Variants in KIF26B observed in about 807,000 individuals in gnomAD.
The protein encoded by KIF26B is kinesin-like protein KIF26B.
KIF26B carries 63 observed loss-of-function variants against 151.2 expected under a neutral mutation model. The ratio of observed to expected loss-of-function variants is 0.42; its 90% CI spans 0.34 to 0.51. The LOEUF is 0.51. KIF26B is among the 20% of genes least tolerant of loss of function. The pLI is 0.07. For synonymous variants in KIF26B, 1,357 were observed against 1,262.1 expected (o/e 1.08, Z -1.59); for missense variants, 2,813 against 2,913.6 (o/e 0.97, Z 0.79).
chr1:245,659,548 A>G (rs908183019), intron 10 of KIF26B, among the ~76,000 whole-genome samples: 6 of 152,208 alleles, frequency 3.9e-5, no homozygotes, highest in Admixed American at 6.5e-5. Context: ...TAGCAAACAT[A>G]TATTTGCTCT....
chr1:245,591,702 T>C (rs1038322230), intron 5 of KIF26B, among the ~76,000 whole-genome samples: 1 of 152,178 alleles, frequency 6.6e-6, no homozygotes, highest in African/African-American at 2.4e-5. Context: ...TGGATGCATC[T>C]TTACACCAGC....
intron 4 of KIF26B, among the ~76,000 whole-genome samples, chr1:245,460,882 T>C (rs1434060967): frequency 1.3e-5 from 2 of 152,224 alleles, no homozygotes; most frequent in Non-Finnish European, 2.9e-5. Context: ...ACACATGCCA[T>C]GCTCAGAACA....
At chr1:245,655,742 G>T (rs947617690) in intron 10 of KIF26B, among the ~76,000 whole-genome samples, 7 of 152,196 alleles carry the variant, frequency 4.6e-5, no homozygotes, top group African/African-American at 1.4e-4. Context: ...AATGCAAGCC[G>T]AGTACTTCTG....
intron 2 of KIF26B, among the ~76,000 whole-genome samples, chr1:245,229,272 G>A (rs549095156): frequency 5.3e-5 from 8 of 151,814 alleles, no homozygotes; most frequent in East Asian, 3.9e-4. Context: ...GCCCCCTGCC[G>A]GATTTATCTT....
At chr1:245,527,080 C>G (rs1185240316) in intron 4 of KIF26B, among the ~76,000 whole-genome samples, 5 of 152,144 alleles carry the variant, frequency 3.3e-5, no homozygotes, top group African/African-American at 1.2e-4. Context: ...CAGCTTCTTC[C>G]TTTTAGCATT....
At chr1:245,285,247 G>A (rs1339899427) in intron 2 of KIF26B, among the ~76,000 whole-genome samples, 4 of 152,150 alleles carry the variant, frequency 2.6e-5, no homozygotes, top group African/African-American at 9.7e-5. Context: ...TATTCCAAGA[G>A]TGCCTAGCAG....
chr1:245,649,934 G>A (rs1447655330), intron 10 of KIF26B, among the ~76,000 whole-genome samples: 1 of 152,218 alleles, frequency 6.6e-6, no homozygotes, highest in Non-Finnish European at 1.5e-5. Flanking sequence ...TGCGCTGAAT[G>A]CTTCTGACTT....
At position 245,375,334 on chromosome 1, in the gene KIF26B, C is replaced by G. The variant is rs533629849; in HGVS notation, c.999+7967C>G. 2.5e-4 allele frequency among the ~76,000 whole-genome samples: 38 copies of G among 152,286 alleles called. No individual in the cohort carries two copies. Among genetic ancestry groups the G allele is most frequent in the African/African-American group, 8.4e-4 (35 of 41,564 alleles). ...TCAGGTGATCTGCCTGCCTCAGCCT[C>G]CCAAAGTGCTGGGATTACAGGTATG... On this transcript the variant is annotated intron_variant, in intron 3 of 14. Coordinates refer to ENST00000407071, the MANE Select transcript of KIF26B (RefSeq NM_018012.4). The surrounding 1 kb of genome is among the most constrained non-coding windows in gnomAD (Gnocchi z 4.2).
chr1:245,185,618 A>G lies in KIF26B; in HGVS notation c.465+28935A>G, dbSNP rs142890994. Among the ~76,000 whole-genome samples the G allele has an allele frequency of 4.8e-3, 726 of 152,336 alleles. 4 individuals carry two copies. The highest frequency in any genetic ancestry group is 0.016 in the African/African-American group (680 of 41,578). ...GTGGGACACTCCAACTGTGTGTCAC[A>G]GGAATGAGCTGTCATCTGGCAATTT... On this transcript the variant is annotated intron_variant, in intron 2 of 14. Transcript: ENST00000407071.
At position 245,601,841 on chromosome 1, in the gene KIF26B, C is replaced by A. The variant is rs564075626; in HGVS notation, c.1351-736C>A. On this transcript the variant is annotated intron_variant, in intron 5 of 14. Transcript: ENST00000407071. The surrounding 1 kb of genome is among the most constrained non-coding windows in gnomAD (Gnocchi z 4.4). ...GGCTGACTGTGCATTTCCATAAGCACCTCGCTCGCCTGCAGGACGGGGCTG... is the reference window on the plus strand; with the variant it reads ...GGCTGACTGTGCATTTCCATAAGCAACTCGCTCGCCTGCAGGACGGGGCTG... Among the ~76,000 whole-genome samples, 1 of 152,290 alleles carries A rather than the reference C, an allele frequency of 6.6e-6. No individual in the cohort carries two copies. Among genetic ancestry groups the A allele is most frequent in the South Asian group, 2.1e-4 (1 of 4,820 alleles).
In KIF26B at chr1:245,156,489, G is replaced by C; in HGVS notation, c.271G>C (p.Gly91Arg). ...FTGSPGPASP[G>R]IGTSSPGSLG... is the part of the protein sequence containing the mutation. ...CGGCTCCCCGGGACCCGCCTCCCCCGGCATCGGCACTAGTTCGCCGGGCTC... is the reference window on the plus strand; with the variant it reads ...CGGCTCCCCGGGACCCGCCTCCCCCCGCATCGGCACTAGTTCGCCGGGCTC... Residue 91 changes from glycine (G) to arginine (R), a missense_variant, in exon 2 of 15, where the codon GGC becomes CGC. By Grantham distance (125) the Gly-to-Arg change is moderately radical (BLOSUM62 -2). Around this residue, in one of 3 missense-constraint regions of KIF26B, gnomAD observed 676 missense variants for 688.1 expected, o/e 0.98. Coordinates refer to ENST00000407071, the MANE Select transcript of KIF26B (RefSeq NM_018012.4). 5 of 1,526,356 alleles carry C rather than the reference G, an allele frequency of 3.3e-6. No individual in the cohort carries two copies. Among genetic ancestry groups the C allele is most frequent in the Admixed American group, 2.0e-5 (1 of 50,722 alleles). The allele number at this position is 1,526,356 out of a possible 1,614,324, so 94.6% of individuals were successfully genotyped here.
chr1:245,253,154 C>T (rs556729784), intron 2 of KIF26B, among the ~76,000 whole-genome samples: 24 of 151,332 alleles, frequency 1.6e-4, no homozygotes, highest in Non-Finnish European at 2.7e-4. Context: ...GGACTACAGG[C>T]GCCCACCACC....
At chr1:245,458,118 C>G (rs544710552) in intron 4 of KIF26B, among the ~76,000 whole-genome samples, 181 of 152,302 alleles carry the variant, frequency 1.2e-3, no homozygotes, top group Middle Eastern at 0.01. Flanking sequence ...TGATCCTCAA[C>G]TATTCATTTG....
chr1:245,179,892 G>T (rs919714627), intron 2 of KIF26B, among the ~76,000 whole-genome samples: 1 of 152,238 alleles, frequency 6.6e-6, no homozygotes, highest in Non-Finnish European at 1.5e-5. Context: ...CAGAGGCAGT[G>T]AGGCATGAAG....
At chr1:245,460,671 T>C (rs1659626451) in intron 4 of KIF26B, among the ~76,000 whole-genome samples, 2 of 152,226 alleles carry the variant, frequency 1.3e-5, no homozygotes, top group Admixed American at 1.3e-4. Flanking sequence ...GTCAAAGAAA[T>C]GCAACGATGA....
intron 5 of KIF26B, among the ~76,000 whole-genome samples, chr1:245,591,982 G>A (rs780469895): frequency 2.6e-5 from 4 of 152,142 alleles, no homozygotes; most frequent in East Asian, 1.9e-4. Context: ...GTCCCTTGCC[G>A]GGCTTGCCTG....
chr1:245,640,143 C>CTCTCTCTCTCTCTCTCTCTATATATATA, intron 9 of KIF26B, among the ~76,000 whole-genome samples: 57 of 31,896 alleles, frequency 1.8e-3, no homozygotes, highest in South Asian at 2.5e-3. Flanking sequence ...CTCTCTCTCT[C>CTCTCTCTCTCTCTCTCTCTATATATATA]TATATATATA....
rs5782359 is a variant in KIF26B, at chr1:245,612,054, T to TTGTGTG, written c.2098+125_2098+130dup. The TTGTGTG allele has an allele frequency of 1.6e-3, 1,076 of 677,480 alleles. 5 individuals carry two copies. The highest frequency in any genetic ancestry group is 0.011 in the African/African-American group (429 of 39,292). The allele number at this position is 677,480 out of a possible 1,614,324, so 42.0% of individuals were successfully genotyped here. On this transcript the variant is annotated intron_variant, in intron 9 of 14. Transcript: ENST00000407071. Reference sequence around the variant, plus strand: ...GAAATCCCTTGGGCAACCATGACCTTTGTGTGTGTGTGTGTGTGTGTGTGT... The same window carrying TTGTGTG: ...GAAATCCCTTGGGCAACCATGACCTTTGTGTGTGTGTGTGTGTGTGTGTGTGTGTGT...
At chr1:245,474,139 C>T (rs1428130678) in intron 4 of KIF26B, among the ~76,000 whole-genome samples, 1 of 146,782 alleles carries the variant, frequency 6.8e-6, no homozygotes, top group South Asian at 2.2e-4. Context: ...GATGGAGTCT[C>T]GCCCTGTCAC....
Sources: gnomAD v4.1 joint callset for allele counts (sites outside exome capture counted in the v4.1 genomes callset) on GRCh38, gnomAD v4.1.1 for gene constraint, gnomAD v4.1.1 regional missense constraint, Gnocchi (gnomAD v3.1) non-coding constraint, MANE v1.5 for transcripts, NCBI Gene and HGNC (gene_info 2026-07-23, HGNC 2026-07-21) for gene names.